Variants in RBM6 observed in about 807,000 individuals in gnomAD.
The protein encoded by RBM6 is RNA-binding protein 6.
In RBM6, 23 loss-of-function variants were observed where a neutral mutation model predicts 140.4. That is an observed-to-expected ratio of 0.16 (90% CI 0.12 to 0.23). The LOEUF (loss-of-function observed/expected upper bound fraction) is 0.23. RBM6 is among the 10% of genes least tolerant of loss of function. The pLI is 1.00. For missense variants in RBM6, 1,139 were observed against 1,386.7 expected (o/e 0.82, Z 2.84); for synonymous variants, 439 against 475.6 (o/e 0.92, Z 1.00).
At chr3:49,963,270 G>C (rs762218654) in intron 2 of RBM6, among the ~76,000 whole-genome samples, 2 of 151,912 alleles carry the variant, frequency 1.3e-5, no homozygotes, top group Non-Finnish European at 2.9e-5. Flanking sequence ...GTCTCTCTCT[G>C]TCTCCCAGGC....
At chr3:49,960,443 C>T (rs1384684395) in intron 1 of RBM6, among the ~76,000 whole-genome samples, 1 of 152,190 alleles carries the variant, frequency 6.6e-6, no homozygotes, top group African/African-American at 2.4e-5. Context: ...GACCTTGAAA[C>T]TTCCTAGTCT....
At chr3:50,075,840 A>G (rs923838178) in intron 20 of RBM6, among the ~76,000 whole-genome samples, 6 of 152,220 alleles carry the variant, frequency 3.9e-5, no homozygotes, top group African/African-American at 1.2e-4. Flanking sequence ...AATGCCAACC[A>G]TAAGAGATTG....
chr3:49,947,427 C>T (rs1471253152), intron 1 of RBM6, among the ~76,000 whole-genome samples: 2 of 152,050 alleles, frequency 1.3e-5, no homozygotes, highest in Non-Finnish European at 2.9e-5. Flanking sequence ...GGCCCAGTCT[C>T]TAAAAATAAA....
At chr3:50,004,855 C>T (rs186098473) in intron 6 of RBM6, among the ~76,000 whole-genome samples, 111 of 152,218 alleles carry the variant, frequency 7.3e-4, no homozygotes, top group African/African-American at 2.6e-3. Context: ...TCTTGAACTC[C>T]TTGCCTCAAG....
At chr3:50,018,248 G>A (rs934109805) in intron 6 of RBM6, among the ~76,000 whole-genome samples, 2 of 152,150 alleles carry the variant, frequency 1.3e-5, no homozygotes, top group Non-Finnish European at 2.9e-5. Context: ...GCCTTTTGCA[G>A]AATTTTATAT....
At chr3:49,988,587 C>T (rs1300285013) in intron 5 of RBM6, among the ~76,000 whole-genome samples, 1 of 152,094 alleles carries the variant, frequency 6.6e-6, no homozygotes, top group Non-Finnish European at 1.5e-5. Flanking sequence ...TACAACAAAA[C>T]AAAATCTTAC....
chr3:50,000,364 T>C (rs938546313), intron 6 of RBM6, among the ~76,000 whole-genome samples: 18 of 148,828 alleles, frequency 1.2e-4, no homozygotes, highest in Non-Finnish European at 2.2e-4. Context: ...TTTTTTTTAA[T>C]GTACCCACTG....
intron 6 of RBM6, among the ~76,000 whole-genome samples, chr3:50,007,538 CTTT>C (rs111809952): frequency 7.2e-6 from 1 of 139,654 alleles, no homozygotes. Context: ...CTTAAATTTT[CTTT>C]TTTTTTTTTG....
chr3:49,970,407 G>A (rs1044822604), intron 3 of RBM6, among the ~76,000 whole-genome samples: 3 of 152,044 alleles, frequency 2.0e-5, no homozygotes, highest in African/African-American at 7.2e-5. Flanking sequence ...TCATTATTTT[G>A]TTTTATGATG....
chr3:50,007,395 C>G (rs1431769564), intron 6 of RBM6, among the ~76,000 whole-genome samples: 1 of 151,836 alleles, frequency 6.6e-6, no homozygotes, highest in East Asian at 1.9e-4. Context: ...CCATATTGCC[C>G]AGGCTGATCT....
At chr3:50,015,622 C>T (rs573001012) in intron 6 of RBM6, among the ~76,000 whole-genome samples, 163 of 150,314 alleles carry the variant, frequency 1.1e-3, no homozygotes, top group Non-Finnish European at 2.1e-3. Context: ...TTAGTAGAGG[C>T]GGGGTTTCAC....
chr3:50,038,726 A>C (rs2088691151), intron 6 of RBM6, among the ~76,000 whole-genome samples: 2 of 152,172 alleles, frequency 1.3e-5, no homozygotes, highest in South Asian at 4.1e-4. Flanking sequence ...CCAACTACTC[A>C]GGAGGCTGAG....
At chr3:50,040,600 A>G (rs533287935) in intron 6 of RBM6, among the ~76,000 whole-genome samples, 2 of 149,024 alleles carry the variant, frequency 1.3e-5, no homozygotes, top group Non-Finnish European at 3.0e-5. Context: ...ATATGTGTAT[A>G]TTTACATTTT....
At chr3:50,008,844 C>G (rs908119300) in intron 6 of RBM6, among the ~76,000 whole-genome samples, 4 of 152,184 alleles carry the variant, frequency 2.6e-5, no homozygotes, top group Non-Finnish European at 5.9e-5. Context: ...AGCCACCGTG[C>G]CTGGCCTCTC....
chr3:50,027,885 C>T (rs1014452609), intron 6 of RBM6, among the ~76,000 whole-genome samples: 4 of 152,198 alleles, frequency 2.6e-5, no homozygotes, highest in Admixed American at 6.5e-5. Flanking sequence ...CAGCTTTTTA[C>T]CAGCTATCCC....
rs894203897 is a variant in RBM6 at position 49,962,520 on chromosome 3, G to A, written c.-66-56G>A. On this transcript the variant is annotated intron_variant, in intron 1 of 20. Coordinates refer to ENST00000266022, the MANE Select transcript of RBM6 (RefSeq NM_005777.3). Reference sequence around the variant, plus strand: ...TCATAAACCAAGCAGTGGGAAACTGGTTTAGCTTTTAGTTCACATTCTAAA... The same window carrying A: ...TCATAAACCAAGCAGTGGGAAACTGATTTAGCTTTTAGTTCACATTCTAAA... 5 of 826,566 alleles carry A rather than the reference G, an allele frequency of 6.0e-6. No individual in the cohort carries two copies. In the African/African-American group the frequency reaches 7.3e-5, roughly 12 times the overall value. 51.2% of individuals were successfully genotyped at this position (826,566 alleles called of 1,614,324 possible).
rs1403806931 is a variant in RBM6, at chr3:49,947,261, AAGGGGG to A, written c.-67+7037_-67+7042del. ...AGCGAGACTCCGTCTCAAAAAAAAA[AAGGGGG>A]GGGGGGGGGGTTTTGAGCTGGGTGT... On this transcript the variant is annotated intron_variant, in intron 1 of 20. Transcript: ENST00000266022. Among the ~76,000 whole-genome samples, 104 of 21,484 alleles carry A rather than the reference AAGGGGG, an allele frequency of 4.8e-3. 2 individuals carry two copies. The highest frequency in any genetic ancestry group is 0.016 in the African/African-American group (103 of 6,448). The allele number at this position is 21,484 out of a possible 152,430, so 14.1% of individuals were successfully genotyped here. A position where few individuals can be genotyped will look rare whatever the true frequency, so the allele number is the denominator to read the frequency against.
rs189473428 is a variant in RBM6, at chr3:49,962,276, A to G, written c.-66-300A>G. ...GACCACAGTAAACCCCGTCTCTACT[A>G]AAAATACAAAAAATTAGCTAGGCGT... On this transcript the variant is annotated intron_variant, in intron 1 of 20. Coordinates refer to ENST00000266022, the MANE Select transcript of RBM6 (RefSeq NM_005777.3). Among the ~76,000 whole-genome samples the G allele has an allele frequency of 2.7e-3, 402 of 149,440 alleles. 1 individual carries two copies. The highest frequency in any genetic ancestry group is 9.6e-3 in the African/African-American group (389 of 40,586).
intron 6 of RBM6, among the ~76,000 whole-genome samples, chr3:50,012,664 A>G (rs955125946): frequency 6.7e-6 from 1 of 150,086 alleles, no homozygotes; most frequent in East Asian, 2.0e-4. Context: ...GCCCATTCCA[A>G]TTTTTTACAA....
Sources: allele counts gnomAD v4.1 joint callset (sites outside exome capture counted in the v4.1 genomes callset), GRCh38; gene constraint gnomAD v4.1.1; transcripts MANE v1.5; gene names NCBI Gene and HGNC (gene_info 2026-07-23, HGNC 2026-07-21).